Variants in CNTNAP2 observed in about 807,000 individuals in gnomAD.
The protein encoded by CNTNAP2 is contactin associated protein 2.
In CNTNAP2, 98 loss-of-function variants were observed where a neutral mutation model predicts 155.2. That is an observed-to-expected ratio of 0.63 (90% CI 0.54 to 0.75). The LOEUF (loss-of-function observed/expected upper bound fraction) is 0.75, where lower values mean the gene tolerates loss of function less well. Ranked by LOEUF, CNTNAP2 falls within the 30% of genes least tolerant of loss-of-function variation. CNTNAP2 has a pLI of 0.00. For synonymous variants in CNTNAP2, 651 were observed against 631.2 expected, an observed-to-expected ratio of 1.03 and a Z score of -0.47; for missense variants, 1,727 against 1,688.1, an observed-to-expected ratio of 1.02 and a Z score of -0.40.
intron 1 of CNTNAP2, among the ~76,000 whole-genome samples, chr7:146,688,413 C>T (rs975273506): frequency 1.3e-5 from 2 of 151,792 alleles, no homozygotes; most frequent in Non-Finnish European, 2.9e-5. Flanking sequence ...TGGGTGCAGG[C>T]CAACTGACTC....
chr7:147,780,481 C>G (rs1797646936), intron 13 of CNTNAP2, among the ~76,000 whole-genome samples: 1 of 152,082 alleles, frequency 6.6e-6, no homozygotes. Context: ...CATCTAGCCA[C>G]AGAAAATCCA....
At chr7:147,785,499 G>C (rs1797725663) in intron 13 of CNTNAP2, among the ~76,000 whole-genome samples, 1 of 152,102 alleles carries the variant, frequency 6.6e-6, no homozygotes, top group African/African-American at 2.4e-5. Flanking sequence ...AGAGGGACCA[G>C]GAAGGACAAA....
At position 147,474,739 on chromosome 7, in the gene CNTNAP2, G is replaced by A. The variant is rs767081914; in HGVS notation, c.1671-11196G>A. Among the ~76,000 whole-genome samples the A allele has an allele frequency of 1.6e-3, 242 of 152,148 alleles. 1 individual carries two copies. The highest frequency in any genetic ancestry group is 2.0e-3 in the Non-Finnish European group (138 of 68,026). On this transcript the variant is annotated intron_variant, in intron 10 of 23. Transcript: ENST00000361727. ...AGGCAGTCTCACAAGAAAGAACCAG[G>A]AAAATGCATAACCTGACCTAAATCT...
At chr7:147,286,388 A>C (rs1225998880) in intron 8 of CNTNAP2, among the ~76,000 whole-genome samples, 1 of 152,138 alleles carries the variant, frequency 6.6e-6, no homozygotes, top group Non-Finnish European at 1.5e-5. Flanking sequence ...AGAACAAAAC[A>C]GTGACTGTAA....
At chr7:147,321,924 G>A (rs1001031891) in intron 9 of CNTNAP2, among the ~76,000 whole-genome samples, 6 of 152,142 alleles carry the variant, frequency 3.9e-5, no homozygotes, top group Non-Finnish European at 5.9e-5. Flanking sequence ...TTGAGTAACA[G>A]AGACTGAAAT....
intron 13 of CNTNAP2, among the ~76,000 whole-genome samples, chr7:147,841,088 G>A (rs141469170): frequency 2.2e-3 from 331 of 152,238 alleles, no homozygotes; most frequent in African/African-American, 7.7e-3. Context: ...TTAGAAAACT[G>A]TAGTAAATTT....
intron 3 of CNTNAP2, among the ~76,000 whole-genome samples, chr7:146,978,775 A>T (rs781054198): frequency 6.6e-5 from 10 of 151,882 alleles, no homozygotes; most frequent in Non-Finnish European, 1.5e-4. Context: ...AGAAATGAGT[A>T]TTACATGTTA....
intron 14 of CNTNAP2, among the ~76,000 whole-genome samples, chr7:147,962,301 G>A (rs183876052): frequency 6.6e-6 from 1 of 152,340 alleles, no homozygotes; most frequent in Non-Finnish European, 1.5e-5. Flanking sequence ...GTTAGAATGT[G>A]TATACTGAAT....
chr7:146,605,087 CAAAAAAAAAAA>C, intron 1 of CNTNAP2, among the ~76,000 whole-genome samples: 1 of 144,092 alleles, frequency 6.9e-6, no homozygotes, highest in South Asian at 2.2e-4. Context: ...AAAAAAACAA[CAAAAAAAAAAA>C]GAAAAAAAAA....
chr7:147,370,424 G>C (rs1563178938), intron 9 of CNTNAP2, among the ~76,000 whole-genome samples: 1 of 152,154 alleles, frequency 6.6e-6, no homozygotes, highest in East Asian at 1.9e-4. Flanking sequence ...TGGTGTGCTG[G>C]AGCTTGCTTA....
chr7:147,039,800 A>AAGTATTTCC (rs1480744443), intron 3 of CNTNAP2, among the ~76,000 whole-genome samples: 1 of 152,198 alleles, frequency 6.6e-6, no homozygotes. Flanking sequence ...AACAGTGTAT[A>AAGTATTTCC]AGTATTTCCT....
rs78379144 is a variant in CNTNAP2 at position 148,231,722 on chromosome 7, A to C, written c.3381+1943A>C. The stretch of plus-strand genomic sequence containing the variant: ...GTCCTAGTTTCTTGACACTCATTTT[A>C]AAATCCCAGGGAATCTCTGATAGGC... On this transcript the variant is annotated intron_variant, in intron 20 of 23. Transcript: ENST00000361727. Among the ~76,000 whole-genome samples, 1,276 of 152,244 alleles carry C rather than the reference A, an allele frequency of 8.4e-3. 21 individuals carry two copies. The highest frequency in any genetic ancestry group is 0.029 in the African/African-American group (1,212 of 41,534).
chr7:146,512,639 C>T (rs763546660), intron 1 of CNTNAP2, among the ~76,000 whole-genome samples: 19 of 151,380 alleles, frequency 1.3e-4, no homozygotes, highest in African/African-American at 1.5e-4. Context: ...CCATTGTGGT[C>T]GGAAAAGATA....
chr7:147,307,155 A>G lies in CNTNAP2; in HGVS notation c.1498+6865A>G, dbSNP rs1192053562. Reference sequence around the variant, plus strand: ...AGAGAGTTGTTTACGCTAAAACAACATGAAAAGTTGAAGAGAACACCACTG... The same window carrying G: ...AGAGAGTTGTTTACGCTAAAACAACGTGAAAAGTTGAAGAGAACACCACTG... On this transcript the variant is annotated intron_variant, in intron 9 of 23. Coordinates refer to ENST00000361727, the MANE Select transcript of CNTNAP2 (RefSeq NM_014141.6). 3.9e-5 allele frequency among the ~76,000 whole-genome samples: 6 copies of G among 152,220 alleles called. No individual in the cohort carries two copies. The South Asian group carries it at 1.0e-3, about 26-fold the overall frequency.
Position 146,874,866 on chromosome 7 carries a change from G to A in CNTNAP2, c.402+34962G>A, listed in dbSNP as rs76869589. Among the ~76,000 whole-genome samples, 1,399 of 152,120 alleles carry A rather than the reference G, an allele frequency of 9.2e-3. 9 individuals are homozygous for A. The highest frequency in any genetic ancestry group is 0.021 in the Middle Eastern group (6 of 292). On this transcript the variant is annotated intron_variant, in intron 3 of 23. Coordinates refer to ENST00000361727, the MANE Select transcript of CNTNAP2 (RefSeq NM_014141.6). ...GAGTCTTATCAGTTTCCCAATTAGC[G>A]CTTTTGTTTATTTTATATTCAAACC...
chr7:146,792,268 T>TAAA (rs397978357), intron 2 of CNTNAP2, among the ~76,000 whole-genome samples: 33 of 148,728 alleles, frequency 2.2e-4, no homozygotes, highest in Middle Eastern at 6.9e-3. Flanking sequence ...AAGAAAAAGC[T>TAAA]AAAAAAAAAA....
chr7:147,901,832 G>T (rs1799873756), intron 13 of CNTNAP2, among the ~76,000 whole-genome samples: 1 of 152,092 alleles, frequency 6.6e-6, no homozygotes, highest in Admixed American at 6.5e-5. Flanking sequence ...GCACATTGTG[G>T]GAACCCAGTG....
chr7:147,690,345 C>T (rs551066387), intron 13 of CNTNAP2, among the ~76,000 whole-genome samples: 69 of 152,232 alleles, frequency 4.5e-4, no homozygotes, highest in Admixed American at 1.1e-3. Flanking sequence ...TCTTTAAAAC[C>T]AAACAGGTTT....
intron 22 of CNTNAP2, among the ~76,000 whole-genome samples, chr7:148,405,227 G>C (rs1429463377): frequency 6.6e-6 from 1 of 152,100 alleles, no homozygotes; most frequent in Non-Finnish European, 1.5e-5. Context: ...GAGAAATCCA[G>C]CTCAAGGGAG....
Sources: allele counts gnomAD v4.1 joint callset (sites outside exome capture counted in the v4.1 genomes callset), GRCh38; gene constraint gnomAD v4.1.1; transcripts MANE v1.5; gene names NCBI Gene and HGNC (gene_info 2026-07-23, HGNC 2026-07-21).